Variants in PCDH15 observed in about 807,000 individuals in gnomAD.
PCDH15 encodes protocadherin-15.
In PCDH15, 129 loss-of-function variants were observed where a neutral mutation model predicts 178.5. That is an observed-to-expected ratio of 0.72 (90% CI 0.63 to 0.84). The LOEUF (loss-of-function observed/expected upper bound fraction) is 0.84. PCDH15 is among the 40% of genes least tolerant of loss of function. The probability of loss-of-function intolerance (pLI) is 0.00; values close to 1 mark genes in which losing one functional copy is unlikely to be tolerated. For missense variants in PCDH15, 2,230 were observed against 2,099.9 expected (o/e 1.06, Z -1.21); for synonymous variants, 800 against 732.0 (o/e 1.09, Z -1.50).
intron 1 of PCDH15, among the ~76,000 whole-genome samples, chr10:55,188,205 T>C (rs1839848611): frequency 6.6e-6 from 1 of 152,034 alleles, no homozygotes; most frequent in Admixed American, 6.6e-5. Context: ...TTTTATATCG[T>C]GTTTATGTTA....
chr10:54,930,303 C>T (rs1200440500), intron 2 of PCDH15, among the ~76,000 whole-genome samples: 1 of 152,162 alleles, frequency 6.6e-6, no homozygotes, highest in East Asian at 1.9e-4. Flanking sequence ...GACACCACCT[C>T]CTCAAGCCAG....
intron 2 of PCDH15, among the ~76,000 whole-genome samples, chr10:54,585,883 GA>G (rs1452148460): frequency 6.6e-6 from 1 of 152,066 alleles, no homozygotes; most frequent in African/African-American, 2.4e-5. Context: ...CTTGAGATTT[GA>G]AAAATAGCCA....
chr10:55,294,508 T>G (rs1331073756), intron 1 of PCDH15, among the ~76,000 whole-genome samples: 1 of 152,184 alleles, frequency 6.6e-6, no homozygotes, highest in Non-Finnish European at 1.5e-5. Flanking sequence ...TGAAGATGAA[T>G]CAGGGGAAAT....
intron 26 of PCDH15, among the ~76,000 whole-genome samples, chr10:53,878,181 G>GGACACA (rs1554840948): frequency 8.0e-6 from 1 of 124,938 alleles, no homozygotes; most frequent in African/African-American, 3.1e-5. Context: ...CTATACTATG[G>GGACACA]CACACACACA....
chr10:54,091,304 A>G (rs530601813), intron 15 of PCDH15, among the ~76,000 whole-genome samples: 2 of 152,170 alleles, frequency 1.3e-5, no homozygotes, highest in African/African-American at 4.8e-5. Flanking sequence ...CCTGGCAGAA[A>G]CACCAGCCTC....
At chr10:55,249,956 C>T (rs1487731395) in intron 1 of PCDH15, among the ~76,000 whole-genome samples, 1 of 151,590 alleles carries the variant, frequency 6.6e-6, no homozygotes. Flanking sequence ...TGGTCATGAT[C>T]TCTAGAAAAA....
chr10:54,364,496 T>C (rs573607331), intron 5 of PCDH15, among the ~76,000 whole-genome samples: 1 of 152,180 alleles, frequency 6.6e-6, no homozygotes, highest in Non-Finnish European at 1.5e-5. Flanking sequence ...TAAATTATTT[T>C]ATATGTTCCA....
At chr10:55,456,743 AC>A (rs1332557361) in intron 2 of PCDH15, among the ~76,000 whole-genome samples, 1 of 152,028 alleles carries the variant, frequency 6.6e-6, no homozygotes, top group Non-Finnish European at 1.5e-5. Flanking sequence ...GTCTAAATTG[AC>A]AGCCTTGTCT....
At chr10:54,697,515 GTA>G (rs141387823) in intron 1 of PCDH15, among the ~76,000 whole-genome samples, 131 of 142,700 alleles carry the variant, frequency 9.2e-4, no homozygotes, top group Admixed American at 1.1e-3. Flanking sequence ...TGAAATGTGT[GTA>G]TATATATATA....
chr10:54,770,960 A>G (rs914548055), intron 1 of PCDH15, among the ~76,000 whole-genome samples: 1 of 152,078 alleles, frequency 6.6e-6, no homozygotes, highest in African/African-American at 2.4e-5. Context: ...CTTTTGCAAA[A>G]GTATTAGATG....
At chr10:54,440,772 G>A (rs2075749520) in intron 3 of PCDH15, among the ~76,000 whole-genome samples, 1 of 151,600 alleles carries the variant, frequency 6.6e-6, no homozygotes, top group Non-Finnish European at 1.5e-5. Context: ...AAAATTAAAG[G>A]CCTAGTCTAA....
chr10:55,536,107 C>T (rs1841573174), intron 2 of PCDH15, among the ~76,000 whole-genome samples: 1 of 152,054 alleles, frequency 6.6e-6, no homozygotes, highest in African/African-American at 2.4e-5. Context: ...TACTAGGTTT[C>T]ACCAATCTTT....
At chr10:54,779,894 G>C (rs1950195821) in intron 1 of PCDH15, among the ~76,000 whole-genome samples, 1 of 151,984 alleles carries the variant, frequency 6.6e-6, no homozygotes, top group Non-Finnish European at 1.5e-5. Flanking sequence ...ATATTCTCCA[G>C]AAAAGATCCT....
At chr10:54,929,106 T>G (rs1355375780) in intron 2 of PCDH15, among the ~76,000 whole-genome samples, 1 of 152,198 alleles carries the variant, frequency 6.6e-6, no homozygotes, top group South Asian at 2.1e-4. Flanking sequence ...AGTTTTATTT[T>G]TCCTTTTATC....
At chr10:55,471,271 G>A (rs1479438977) in intron 2 of PCDH15, among the ~76,000 whole-genome samples, 2 of 152,098 alleles carry the variant, frequency 1.3e-5, no homozygotes, top group South Asian at 2.1e-4. Context: ...GAGTATAAAA[G>A]TTGTGCTCTT....
intron 26 of PCDH15, among the ~76,000 whole-genome samples, chr10:53,876,189 TG>T (rs1198722051): frequency 9.0e-4 from 50 of 55,550 alleles, no homozygotes; most frequent in Non-Finnish European, 9.8e-4. Flanking sequence ...TTTTTTTTTT[TG>T]TTTTTTTGTT....
intron 2 of PCDH15, among the ~76,000 whole-genome samples, chr10:55,543,391 A>ATATATG (rs1263593819): frequency 6.7e-6 from 1 of 149,356 alleles, no homozygotes; most frequent in African/African-American, 2.5e-5. Flanking sequence ...ATATATATAT[A>ATATATG]TGTATATATA....
intron 1 of PCDH15, among the ~76,000 whole-genome samples, chr10:54,707,776 T>C (rs2095380421): frequency 6.6e-6 from 1 of 152,058 alleles, no homozygotes; most frequent in Non-Finnish European, 1.5e-5. Context: ...GGGTTGAGTA[T>C]ACAAAGATAA....
chr10:55,589,281 C>A (rs1294357538), intron 2 of PCDH15, among the ~76,000 whole-genome samples: 2 of 151,928 alleles, frequency 1.3e-5, no homozygotes, highest in Non-Finnish European at 2.9e-5. Context: ...TATGGCTAGC[C>A]AGTTTTCCCA....
Sources: gnomAD v4.1 joint callset for allele counts (sites outside exome capture counted in the v4.1 genomes callset) on GRCh38, gnomAD v4.1.1 for gene constraint, MANE v1.5 for transcripts, NCBI Gene and HGNC (gene_info 2026-07-23, HGNC 2026-07-21) for gene names.